Variants in ANKRD30A observed in about 807,000 individuals in gnomAD.
ANKRD30A encodes ankyrin repeat domain-containing protein 30A.
A neutral mutation model predicts 166.3 loss-of-function variants in ANKRD30A; 170 were observed. That is an observed-to-expected ratio of 1.02 (90% confidence interval 0.90 to 1.16). ANKRD30A has a LOEUF of 1.16. ANKRD30A is among the 50% of genes most tolerant of loss of function. ANKRD30A has a pLI of 0.00. For synonymous variants in ANKRD30A, 564 were observed against 508.9 expected, an observed-to-expected ratio of 1.11 and a Z score of -1.46; for missense variants, 1,630 against 1,518.0, an observed-to-expected ratio of 1.07 and a Z score of -1.23.
intron 31 of ANKRD30A, among the ~76,000 whole-genome samples, chr10:37,207,869 C>A (rs914739610): frequency 6.6e-6 from 1 of 151,928 alleles, no homozygotes; most frequent in Non-Finnish European, 1.5e-5. Context: ...TTTGAAGAAT[C>A]TTATTGATGA....
downstream of ANKRD30A, among the ~76,000 whole-genome samples, chr10:37,232,826 G>A (rs1405104142): frequency 3.4e-5 from 5 of 146,172 alleles, no homozygotes; most frequent in Non-Finnish European, 7.5e-5. Flanking sequence ...TTTCAAGGCT[G>A]TAGTGTATCA....
chr10:37,245,354 G>C, the ANKRD30A span, among the ~76,000 whole-genome samples: 1 of 151,762 alleles, frequency 6.6e-6, no homozygotes, highest in African/African-American at 2.4e-5. Flanking sequence ...CAATATTTAG[G>C]ATTTTCTATA....
intron 34 of ANKRD30A, among the ~76,000 whole-genome samples, chr10:37,222,254 C>T (rs1354095062): frequency 6.6e-6 from 1 of 151,268 alleles, no homozygotes; most frequent in African/African-American, 2.4e-5. Flanking sequence ...CACCACCGCC[C>T]ACCTCCATGT....
chr10:37,250,387 G>C, the ANKRD30A span, among the ~76,000 whole-genome samples: 1 of 152,060 alleles, frequency 6.6e-6, no homozygotes, highest in African/African-American at 2.4e-5. Flanking sequence ...CATAGGACCT[G>C]AGTTGTTGTG....
intron 31 of ANKRD30A, among the ~76,000 whole-genome samples, chr10:37,215,850 A>G (rs541654276): frequency 6.6e-6 from 1 of 151,436 alleles, no homozygotes; most frequent in Non-Finnish European, 1.5e-5. Context: ...TTCCTTTTCA[A>G]TCTTTATTCC....
At chr10:37,131,485 A>G (rs916554794) in intron 3 of ANKRD30A, among the ~76,000 whole-genome samples, 3 of 152,168 alleles carry the variant, frequency 2.0e-5, no homozygotes, top group Non-Finnish European at 2.9e-5. Context: ...ATAATAAGCA[A>G]TCAAAGTTCA....
chr10:37,216,429 T>C, intron 32 of ANKRD30A, 35 bp downstream of exon 32: 1 of 1,539,154 alleles, frequency 6.5e-7, no homozygotes, highest in Non-Finnish European at 8.8e-7. Flanking sequence ...ATATTTCAGC[T>C]ATTTATACTA....
chr10:37,156,357 C>A (rs1425971938), intron 13 of ANKRD30A, among the ~76,000 whole-genome samples: 1 of 151,906 alleles, frequency 6.6e-6, no homozygotes, highest in African/African-American at 2.4e-5. Context: ...CTCCAGTGTA[C>A]CCCTTTATAA....
chr10:37,223,764 A>G (rs1842998727), intron 34 of ANKRD30A, among the ~76,000 whole-genome samples: 2 of 151,280 alleles, frequency 1.3e-5, no homozygotes, highest in South Asian at 2.1e-4. Context: ...GAGAAATAAT[A>G]TTTTTAGGAA....
rs772083611 is a variant in ANKRD30A at position 37,165,085 on chromosome 10, C to G, written c.2003-9C>G. ...GCTCATGAATGTATCTGTGATTAAC[C>G]TTTTATAGATGAGATACTCCCATCA... On this transcript the variant is annotated splice_polypyrimidine_tract_variant and intron_variant, in intron 17 of 35. Coordinates refer to ENST00000361713, the MANE Select transcript of ANKRD30A (RefSeq NM_052997.3). 1 of 1,605,102 alleles carries G rather than the reference C, an allele frequency of 6.2e-7. No homozygotes were observed. The highest frequency in any genetic ancestry group is 2.2e-5 in the East Asian group (1 of 44,664).
At chr10:37,222,227 T>C (rs1019799944) in intron 34 of ANKRD30A, among the ~76,000 whole-genome samples, 1 of 151,138 alleles carries the variant, frequency 6.6e-6, no homozygotes, top group Admixed American at 6.6e-5. Flanking sequence ...AAGAGAAACT[T>C]CACATCTCTT....
chr10:37,149,673 C>T lies in ANKRD30A; in HGVS notation c.1566C>T (p.Ala522=), dbSNP rs2132552424. The T allele has an allele frequency of 6.2e-7, 1 of 1,612,478 alleles. No homozygotes were observed. ...TAGAGCCTCCTAAGAAGCCATCTGC[C>T]TTCAAGGTATTTAGTTTTATTATTT... ...EVEEPPKKPS[A]FKPAIEMQNS... The change falls in exon 10 of 36, where the codon GCC becomes GCT. Residue 522 remains alanine, a synonymous_variant. Transcript: ENST00000361713.
intron 35 of ANKRD30A, among the ~76,000 whole-genome samples, chr10:37,232,168 T>C (rs57913085): frequency 0.02 from 2,978 of 152,100 alleles, 64 homozygotes; most frequent in East Asian, 0.095. Context: ...AATAAATACA[T>C]TTATGAAGTA....
rs1238197324 is a variant in ANKRD30A, at chr10:37,141,930, G to A, written c.1033G>A (p.Ala345Thr). Residue 345 changes from alanine (A) to threonine (T), a missense_variant, in exon 7 of 36, where the codon GCG becomes ACG. By Grantham distance (58) the Ala-to-Thr change is moderately conservative (BLOSUM62 0). Transcript: ENST00000361713. ...TGACAAAATTCAATGTTTGGAGAAA[G>A]CGACATCTGGAAAGTTCGAACAGTC... ...TSDKIQCLEK[A>T]TSGKFEQSAE... 3 of 1,614,086 alleles carry A rather than the reference G, an allele frequency of 1.9e-6. No homozygotes were observed. Among genetic ancestry groups the A allele is most frequent in the East Asian group, 2.2e-5 (1 of 44,886 alleles).
chr10:37,202,343 C>T (rs570022675), intron 31 of ANKRD30A, among the ~76,000 whole-genome samples: 1 of 152,218 alleles, frequency 6.6e-6, no homozygotes, highest in African/African-American at 2.4e-5. Flanking sequence ...TCACTCAAAA[C>T]CACTTAACTA....
chr10:37,197,524 T>C, intron 29 of ANKRD30A, 44 bp downstream of exon 29: 1 of 1,610,052 alleles, frequency 6.2e-7, no homozygotes, highest in Non-Finnish European at 8.5e-7. Flanking sequence ...TATTTCAATA[T>C]TGAACATTTT....
intron 5 of ANKRD30A, among the ~76,000 whole-genome samples, chr10:37,135,738 C>T (rs1231798326): frequency 6.6e-6 from 1 of 152,024 alleles, no homozygotes; most frequent in Non-Finnish European, 1.5e-5. Flanking sequence ...GTTTTCTGCC[C>T]TTGGTGTGAT....
chr10:37,248,157 CAGAGGTCTTGCACTCGGG>C, the ANKRD30A span: 1 of 632,802 alleles, frequency 1.6e-6, no homozygotes, highest in Admixed American at 1.8e-5. Flanking sequence ...GGGAGTCTTC[CAGAGGTCTTGCACTCGGG>C]AGAGCATGCT....
chr10:37,136,495 TGTTA>T (rs1392478257), intron 5 of ANKRD30A, 108 bp from the exon 6 acceptor site: 9 of 527,626 alleles, frequency 1.7e-5, no homozygotes, highest in African/African-American at 1.2e-4. Flanking sequence ...AATGTTCTGA[TGTTA>T]GTTCTGATAT....
Sources: allele counts gnomAD v4.1 joint callset (sites outside exome capture counted in the v4.1 genomes callset), GRCh38; gene constraint gnomAD v4.1.1; transcripts MANE v1.5; gene names NCBI Gene and HGNC (gene_info 2026-07-23, HGNC 2026-07-21).